FREM1: variants seen among roughly 807,000 people sequenced by gnomAD.
FREM1 encodes FRAS1-related extracellular matrix protein 1.
In FREM1, 220 loss-of-function variants were observed where a neutral mutation model predicts 210.1. The ratio of observed to expected loss-of-function variants is 1.05; its 90% CI spans 0.94 to 1.17. The LOEUF (loss-of-function observed/expected upper bound fraction) is 1.17, where lower values mean the gene tolerates loss of function less well. Among genes scored for constraint, FREM1 ranks in the 50% most tolerant of loss-of-function variants. The pLI is 0.00. For synonymous variants in FREM1, 1,189 were observed against 980.2 expected (o/e 1.21, Z -3.98); for missense variants, 3,454 against 2,675.5 (o/e 1.29, Z -6.42).
chr9:14,751,641 C>T (rs1180811976), intron 29 of FREM1: 3 of 152,342 alleles, frequency 2.0e-5, no homozygotes, highest in African/African-American at 7.2e-5. Flanking sequence ...GCCTGGGCAA[C>T]AGAGTGAGAC....
chr9:14,904,446 G>A (rs979354281), intron 1 of FREM1, among the ~76,000 whole-genome samples: 1 of 152,218 alleles, frequency 6.6e-6, no homozygotes, highest in Non-Finnish European at 1.5e-5. Flanking sequence ...GAGCCAGTAA[G>A]TTAGCTTCCA....
At chr9:14,893,412 C>T (rs927191967) in intron 1 of FREM1, among the ~76,000 whole-genome samples, 1 of 152,180 alleles carries the variant, frequency 6.6e-6, no homozygotes, top group African/African-American at 2.4e-5. Context: ...CAAAACTGGT[C>T]AGTTATGTCC....
intron 15 of FREM1, 63 bp from the exon 16 acceptor site, chr9:14,813,127 T>TAATC: frequency 6.7e-7 from 1 of 1,496,528 alleles, no homozygotes; most frequent in Non-Finnish European, 9.1e-7. Context: ...CTTTGACAGG[T>TAATC]AATCCATTGC....
chr9:14,909,186 A>G (rs982868637), intron 1 of FREM1, among the ~76,000 whole-genome samples: 1 of 152,020 alleles, frequency 6.6e-6, no homozygotes, highest in African/African-American at 2.4e-5. Context: ...ACTGGGTGCA[A>G]TAGTTTAAAA....
rs142699350 is a variant in FREM1 at position 14,863,202 on chromosome 9, G to A, written c.329+607C>T. On this transcript the variant is annotated intron_variant, in intron 3 of 36. Transcript: ENST00000380880. ...TAAAAATACAACAAATTAGCCGGGC[G>A]TAGTGGTGGGCGCCTGTAGTCCCAG... is the stretch of plus-strand genomic sequence containing the variant. Among the ~76,000 whole-genome samples the A allele has an allele frequency of 5.2e-3, 789 of 151,888 alleles. 6 individuals are homozygous for A. The highest frequency in any genetic ancestry group is 0.017 in the African/African-American group (715 of 41,404).
chr9:14,850,445 C>T (rs1360902987), intron 6 of FREM1: 3 of 151,610 alleles, frequency 2.0e-5, no homozygotes, highest in Non-Finnish European at 4.4e-5. Context: ...ACCTTGGCAG[C>T]ACATATACTA....
intron 28 of FREM1, among the ~76,000 whole-genome samples, chr9:14,756,783 C>A (rs903475137): frequency 1.3e-5 from 2 of 152,034 alleles, no homozygotes; most frequent in African/African-American, 4.8e-5. Context: ...TTCCTTCTAT[C>A]CCAATTTGGT....
In FREM1 at chr9:14,748,295, T is replaced by C. The variant is rs190628508; in HGVS notation, c.5796+106A>G. 7.3e-4 allele frequency: 509 copies of C among 693,636 alleles called. 4 individuals are homozygous for C. In the Admixed American group the frequency reaches 0.012, roughly 16 times the overall value. The allele number at this position is 693,636 out of a possible 1,614,324, so 43.0% of individuals were successfully genotyped here. Reference sequence around the variant, plus strand: ...AAGGAACCATGGCCCCCACTCACTATGAGAATCAAAACAGCTTCTTCAGTG... The same window carrying C: ...AAGGAACCATGGCCCCCACTCACTACGAGAATCAAAACAGCTTCTTCAGTG... On this transcript the variant is annotated intron_variant, in intron 31 of 36. Transcript: ENST00000380880.
chr9:14,877,002 C>T (rs1833881105), intron 1 of FREM1, among the ~76,000 whole-genome samples: 1 of 152,202 alleles, frequency 6.6e-6, no homozygotes, highest in South Asian at 2.1e-4. Context: ...CTAATTAACA[C>T]ATGGAGGCTG....
intron 2 of FREM1, among the ~76,000 whole-genome samples, chr9:14,865,636 G>A (rs1236414464): frequency 6.7e-6 from 1 of 149,518 alleles, no homozygotes; most frequent in Non-Finnish European, 1.5e-5. Flanking sequence ...TTATTACTAA[G>A]CTCTATTAAA....
intron 7 of FREM1, among the ~76,000 whole-genome samples, chr9:14,848,321 A>G (rs1827056333): frequency 6.6e-6 from 1 of 152,200 alleles, no homozygotes; most frequent in Non-Finnish European, 1.5e-5. Flanking sequence ...CCTTTCTCCA[A>G]TCCCTTGGAA....
intron 6 of FREM1, among the ~76,000 whole-genome samples, chr9:14,850,973 G>A (rs932638905): frequency 7.9e-5 from 12 of 152,074 alleles, no homozygotes; most frequent in South Asian, 2.1e-4. Context: ...ATTTCTCTTG[G>A]CACATGAGTG....
chr9:14,774,454 T>C (rs1848174630), intron 25 of FREM1, among the ~76,000 whole-genome samples: 1 of 151,144 alleles, frequency 6.6e-6, no homozygotes, highest in African/African-American at 2.4e-5. Context: ...CCCTGTGTAT[T>C]TCGGACATGC....
chr9:14,767,905 G>A (rs1423739120), intron 27 of FREM1, among the ~76,000 whole-genome samples: 3 of 152,074 alleles, frequency 2.0e-5, no homozygotes, highest in Admixed American at 6.6e-5. Flanking sequence ...AACAAATTAC[G>A]TCAAGTTGAA....
intron 3 of FREM1, among the ~76,000 whole-genome samples, chr9:14,860,428 C>T (rs1314681189): frequency 6.6e-6 from 1 of 151,802 alleles, no homozygotes; most frequent in Non-Finnish European, 1.5e-5. Flanking sequence ...AGCCTCCCAG[C>T]AGCCTAGAAA....
chr9:14,767,918 G>A (rs6474855), intron 27 of FREM1, among the ~76,000 whole-genome samples: 92,695 of 151,926 alleles, frequency 0.61, 28,605 homozygotes, highest in Middle Eastern at 0.73. Flanking sequence ...AAGTTGAACT[G>A]GAAACATCTC....
chr9:14,782,462 G>T, intron 24 of FREM1: 1 of 378,184 alleles, frequency 2.6e-6, no homozygotes, highest in Non-Finnish European at 3.6e-6. Context: ...GTCTTCAGCA[G>T]ACTGTCCTGT....
At chr9:14,860,760 T>C (rs375180498) in intron 3 of FREM1, among the ~76,000 whole-genome samples, 1,688 of 98,962 alleles carry the variant, frequency 0.017, 134 homozygotes, top group African/African-American at 0.076. Flanking sequence ...CACATATATA[T>C]GCACATATAT....
In FREM1 at chr9:14,797,375, A is replaced by C. The variant is rs1852623074; in HGVS notation, c.3839+123T>G. 3 of 661,290 alleles carry C rather than the reference A, an allele frequency of 4.5e-6. No homozygotes were observed. In the South Asian group the frequency reaches 1.3e-4, roughly 29 times the overall value. The allele number at this position is 661,290 out of a possible 1,614,324, so 41.0% of individuals were successfully genotyped here. ...TTCCTCATGCCTGAGTGGCAGGGGCAAGCTGTGACAGGAGCTAGCGAAGAC... is the reference window on the plus strand; with the variant it reads ...TTCCTCATGCCTGAGTGGCAGGGGCCAGCTGTGACAGGAGCTAGCGAAGAC... On this transcript the variant is annotated intron_variant, in intron 21 of 36. Transcript: ENST00000380880.
Sources: allele counts gnomAD v4.1 joint callset (sites outside exome capture counted in the v4.1 genomes callset), GRCh38; gene constraint gnomAD v4.1.1; transcripts MANE v1.5; gene names NCBI Gene and HGNC (gene_info 2026-07-23, HGNC 2026-07-21).